The following B3GALT1 variants were observed in gnomAD, a reference collection of about 807,000 sequenced individuals.
The protein encoded by B3GALT1 is beta-1,3-galactosyltransferase 1, also known as UDP-Gal:betaGlcNAc beta 1,3-galactosyltransferase, polypeptide 1.
Under a neutral mutation model 23.2 loss-of-function variants are expected in B3GALT1, and 10 were observed. The observed-to-expected ratio is 0.43, with a 90% confidence interval of 0.27 to 0.73. The LOEUF is 0.73. Ranked by LOEUF, B3GALT1 falls within the 30% of genes least tolerant of loss-of-function variation. B3GALT1 has a pLI of 0.21. For missense variants in B3GALT1, 299 were observed against 405.4 expected (o/e 0.74, Z 2.25); for synonymous variants, 156 against 141.5 (o/e 1.10, Z -0.73).
chr2:167,503,218 G>A (rs946350331), intron 2 of B3GALT1, among the ~76,000 whole-genome samples: 1 of 151,854 alleles, frequency 6.6e-6, no homozygotes, highest in African/African-American at 2.4e-5. Flanking sequence ...CCCAATCATG[G>A]ACTCACTCAA....
chr2:167,328,491 T>G (rs1315868460), intron 1 of B3GALT1, among the ~76,000 whole-genome samples: 1 of 152,206 alleles, frequency 6.6e-6, no homozygotes, highest in Non-Finnish European at 1.5e-5. Context: ...GTTGTCCAGT[T>G]CATTCACATA....
At chr2:167,614,698 G>A (rs1171645395) in intron 2 of B3GALT1, among the ~76,000 whole-genome samples, 3 of 151,976 alleles carry the variant, frequency 2.0e-5, no homozygotes, top group South Asian at 2.1e-4. Context: ...GGGACATAGT[G>A]CAACATCCAG....
chr2:167,535,850 A>G (rs188339661), intron 2 of B3GALT1, among the ~76,000 whole-genome samples: 445 of 152,276 alleles, frequency 2.9e-3, no homozygotes, highest in Middle Eastern at 6.8e-3. Flanking sequence ...ACAGGGTCAA[A>G]AAGTTCAGTT....
chr2:167,510,407 G>GTTTTT (rs35191590), intron 2 of B3GALT1, among the ~76,000 whole-genome samples: 19 of 111,058 alleles, frequency 1.7e-4, no homozygotes, highest in Non-Finnish European at 2.5e-4. Flanking sequence ...TGCAAGTTTT[G>GTTTTT]TTTTTTTTTT....
At chr2:167,441,933 G>A (rs1249228142) in intron 1 of B3GALT1, among the ~76,000 whole-genome samples, 1 of 151,476 alleles carries the variant, frequency 6.6e-6, no homozygotes, top group African/African-American at 2.4e-5. Flanking sequence ...CATTGTGCAG[G>A]TTAGTTACAT....
intron 3 of B3GALT1, among the ~76,000 whole-genome samples, chr2:167,738,215 G>A (rs376630435): frequency 3.3e-5 from 5 of 152,128 alleles, no homozygotes; most frequent in African/African-American, 1.2e-4. Context: ...AAAATGTTTC[G>A]AGAAGCACAA....
chr2:167,753,990 T>C (rs943854722), intron 3 of B3GALT1, among the ~76,000 whole-genome samples: 1 of 152,228 alleles, frequency 6.6e-6, no homozygotes. Context: ...TCTGATTTGT[T>C]TCAAATGCCA....
chr2:167,759,686 C>G (rs943686795), intron 3 of B3GALT1, among the ~76,000 whole-genome samples: 9 of 152,040 alleles, frequency 5.9e-5, no homozygotes, highest in African/African-American at 2.2e-4. Context: ...TTCCACTGTG[C>G]TGTCCTGAGC....
intron 1 of B3GALT1, among the ~76,000 whole-genome samples, chr2:167,463,804 G>T (rs1699303273): frequency 6.6e-6 from 1 of 152,174 alleles, no homozygotes; most frequent in South Asian, 2.1e-4. Flanking sequence ...ATAGACATTT[G>T]ATTTGAGCTT....
At chr2:167,784,313 A>G (rs1285947001) in intron 3 of B3GALT1, among the ~76,000 whole-genome samples, 1 of 152,124 alleles carries the variant, frequency 6.6e-6, no homozygotes, top group Non-Finnish European at 1.5e-5. Context: ...TGCTGTCCAC[A>G]GACCATTGTT....
chr2:167,633,554 A>G (rs1306440578), intron 2 of B3GALT1, among the ~76,000 whole-genome samples: 1 of 152,008 alleles, frequency 6.6e-6, no homozygotes. Flanking sequence ...CATAAAACAC[A>G]CTTTAAACCA....
intron 2 of B3GALT1, among the ~76,000 whole-genome samples, chr2:167,556,230 C>G (rs1412407867): frequency 2.6e-5 from 4 of 152,038 alleles, no homozygotes; most frequent in South Asian, 4.1e-4. Flanking sequence ...GGAGGCTTCA[C>G]ATACTCAGAG....
intron 3 of B3GALT1, chr2:167,715,002 T>G (rs899392730): frequency 2.1e-5 from 34 of 1,611,518 alleles, no homozygotes; most frequent in Non-Finnish European, 2.6e-5. Flanking sequence ...TGAAGATTTT[T>G]AATATGCTCG....
intron 3 of B3GALT1, among the ~76,000 whole-genome samples, chr2:167,699,304 A>G (rs1686837515): frequency 6.6e-6 from 1 of 151,156 alleles, no homozygotes; most frequent in Non-Finnish European, 1.5e-5. Context: ...GTAAACATTT[A>G]TATAACATCG....
At chr2:167,544,854 G>C (rs1227124) in intron 2 of B3GALT1, among the ~76,000 whole-genome samples, 3,141 of 152,162 alleles carry the variant, frequency 0.021, 108 homozygotes, top group African/African-American at 0.072. Context: ...GGGCTTCAAG[G>C]AATGAAGCCG....
At chr2:167,382,320 T>A (rs1385826353) in intron 1 of B3GALT1, among the ~76,000 whole-genome samples, 1 of 152,168 alleles carries the variant, frequency 6.6e-6, no homozygotes, top group Non-Finnish European at 1.5e-5. Flanking sequence ...GTTTCTTTTT[T>A]TCCTGATTTT....
intron 3 of B3GALT1, among the ~76,000 whole-genome samples, chr2:167,685,054 T>C (rs1243549351): frequency 6.6e-6 from 1 of 152,236 alleles, no homozygotes; most frequent in African/African-American, 2.4e-5. Context: ...GCCTCTCAGA[T>C]TGTACAAGAG....
chr2:167,708,840 A>G (rs1357887910), intron 3 of B3GALT1, among the ~76,000 whole-genome samples: 1 of 152,124 alleles, frequency 6.6e-6, no homozygotes, highest in Admixed American at 6.6e-5. Flanking sequence ...AGGAATGGAG[A>G]GAGAGAGATT....
intron 1 of B3GALT1, among the ~76,000 whole-genome samples, chr2:167,473,119 A>G (rs1699441441): frequency 6.6e-6 from 1 of 152,184 alleles, no homozygotes; most frequent in African/African-American, 2.4e-5. Context: ...GTGATTCCCA[A>G]GTTCAAATCT....
Sources: gnomAD v4.1 joint callset for allele counts (sites outside exome capture counted in the v4.1 genomes callset) on GRCh38, gnomAD v4.1.1 for gene constraint, MANE v1.5 for transcripts, NCBI Gene and HGNC (gene_info 2026-07-23, HGNC 2026-07-21) for gene names.